Variants in TRAF3 observed in about 807,000 individuals in gnomAD.
TRAF3 encodes TNF receptor-associated factor 3.
In TRAF3, 13 loss-of-function variants were observed where a neutral mutation model predicts 62.3. The ratio of observed to expected loss-of-function variants is 0.21; its 90% confidence interval spans 0.14 to 0.33. TRAF3 has a LOEUF of 0.33. TRAF3 is among the 10% of genes least tolerant of loss of function. TRAF3 has a pLI of 1.00. For synonymous variants in TRAF3, 269 were observed against 283.4 expected, an observed-to-expected ratio of 0.95 and a Z score of 0.51; for missense variants, 440 against 741.8, an observed-to-expected ratio of 0.59 and a Z score of 4.73.
At chr14:102,799,525 G>A (rs1293166755) in intron 1 of TRAF3, among the ~76,000 whole-genome samples, 8 of 152,008 alleles carry the variant, frequency 5.3e-5, no homozygotes, top group Non-Finnish European at 8.8e-5. Flanking sequence ...ATCTCTGCTC[G>A]CTGCAACCTC....
At chr14:102,822,941 G>A (rs1900069867) in intron 1 of TRAF3, among the ~76,000 whole-genome samples, 1 of 151,988 alleles carries the variant, frequency 6.6e-6, no homozygotes, top group South Asian at 2.1e-4. Context: ...GGGAGGCAGA[G>A]GTTGCGGTGA....
intron 2 of TRAF3, among the ~76,000 whole-genome samples, chr14:102,845,619 C>T (rs1352862904): frequency 3.3e-5 from 5 of 150,632 alleles, no homozygotes; most frequent in African/African-American, 1.2e-4. Context: ...AGGTTCATGC[C>T]ATTCTCCTGC....
intron 4 of TRAF3, 100 bp from the exon 5 acceptor site, chr14:102,875,524 T>G (rs965250687): frequency 1.0e-6 from 1 of 952,482 alleles, no homozygotes; most frequent in Non-Finnish European, 1.5e-6. Flanking sequence ...AGAGTTCCTC[T>G]CTTGTTTTTT....
intron 1 of TRAF3, among the ~76,000 whole-genome samples, chr14:102,780,773 G>A (rs957612531): frequency 2.0e-5 from 3 of 152,138 alleles, no homozygotes; most frequent in African/African-American, 7.2e-5. Flanking sequence ...TGGTTACCGT[G>A]CTGGGAAGAG....
intron 2 of TRAF3, among the ~76,000 whole-genome samples, chr14:102,852,803 C>T (rs1887124566): frequency 1.3e-5 from 2 of 152,106 alleles, no homozygotes; most frequent in Admixed American, 6.5e-5. Context: ...TGGGCTTAAG[C>T]AGTTCTCCCG....
At chr14:102,864,338 T>C (rs765840616) in intron 2 of TRAF3, among the ~76,000 whole-genome samples, 6 of 151,902 alleles carry the variant, frequency 3.9e-5, no homozygotes, top group African/African-American at 1.2e-4. Flanking sequence ...TTAGTAGAGA[T>C]GGGGTTTCAC....
At chr14:102,806,796 C>T (rs1228102516) in intron 1 of TRAF3, among the ~76,000 whole-genome samples, 2 of 152,108 alleles carry the variant, frequency 1.3e-5, no homozygotes, top group Non-Finnish European at 2.9e-5. Context: ...CAGAGGGGCT[C>T]ATTGTCCCGG....
rs1890838754 is a variant in TRAF3, at chr14:102,910,972, G to C, written c.*5188G>C. 6.6e-6 allele frequency: 1 copy of C among 152,270 alleles called. No individual in the cohort carries two copies. Among genetic ancestry groups the C allele is most frequent in the Non-Finnish European group, 1.5e-5 (1 of 68,056 alleles). 9.4% of individuals were successfully genotyped at this position (152,270 alleles called of 1,614,324 possible). A position where few individuals can be genotyped will look rare whatever the true frequency, so the allele number is the denominator to read the frequency against. On this transcript the variant is annotated 3_prime_UTR_variant, in exon 12 of 12. Coordinates refer to ENST00000392745, the MANE Select transcript of TRAF3 (RefSeq NM_145725.3). The stretch of plus-strand genomic sequence containing the variant: ...AAGAAATGCCTGTAGGAGAAGGTCT[G>C]TGAAGTGTGGAGGGCAGTGTCGACG...
chr14:102,868,564 A>G (rs531054791), intron 2 of TRAF3, among the ~76,000 whole-genome samples: 38 of 152,332 alleles, frequency 2.5e-4, no homozygotes, highest in Admixed American at 1.8e-3. Context: ...AAGAAAGTTC[A>G]TGGTGCACAC....
chr14:102,836,245 G>A (rs893988043), intron 2 of TRAF3, among the ~76,000 whole-genome samples: 7 of 152,176 alleles, frequency 4.6e-5, no homozygotes, highest in Non-Finnish European at 8.8e-5. Context: ...CCCCTCACTC[G>A]CTGAGTCTTT....
rs1386450501 is a variant in TRAF3, at chr14:102,902,216, G to A, written c.961-1039G>A. On this transcript the variant is annotated intron_variant, in intron 10 of 11. Transcript: ENST00000392745. ...CGTGTGTTCGTGGCAGGGTTTCTGC[G>A]TTCCTGCCTCCCTCGCTGGGGCCTG... Among the ~76,000 whole-genome samples the A allele has an allele frequency of 3.9e-5, 6 of 152,244 alleles. No homozygotes were observed. In the East Asian group the frequency reaches 5.8e-4, roughly 15 times the overall value.
chr14:102,871,099 G>A (rs749955700), intron 3 of TRAF3, among the ~76,000 whole-genome samples: 107 of 152,334 alleles, frequency 7.0e-4, no homozygotes, highest in Admixed American at 1.6e-3. Flanking sequence ...GGATGCCCTG[G>A]TCTTGGCCAC....
At chr14:102,843,884 TAATGA>T (rs1047554143) in intron 2 of TRAF3, among the ~76,000 whole-genome samples, 24 of 152,018 alleles carry the variant, frequency 1.6e-4, no homozygotes, top group East Asian at 7.7e-4. Context: ...CAGATATAAA[TAATGA>T]AATGAAATGA....
At chr14:102,799,303 C>T (rs983090829) in intron 1 of TRAF3, among the ~76,000 whole-genome samples, 2 of 152,320 alleles carry the variant, frequency 1.3e-5, no homozygotes, top group South Asian at 2.1e-4. Flanking sequence ...CACTACCACT[C>T]ATGTTCTTTT....
intron 1 of TRAF3, among the ~76,000 whole-genome samples, chr14:102,801,163 G>C (rs12880432): frequency 0.52 from 79,229 of 151,958 alleles, 23,071 homozygotes; most frequent in South Asian, 0.74. Context: ...GAGACTCCGT[G>C]TCTTCTCACT....
chr14:102,894,326 C>CA (rs924107989), intron 9 of TRAF3, among the ~76,000 whole-genome samples: 5 of 148,698 alleles, frequency 3.4e-5, no homozygotes, highest in African/African-American at 9.9e-5. Context: ...GACTCGTCTC[C>CA]AAAAAAAAAG....
chr14:102,888,959 T>C (rs1889557575), intron 7 of TRAF3, among the ~76,000 whole-genome samples: 1 of 152,144 alleles, frequency 6.6e-6, no homozygotes, highest in Non-Finnish European at 1.5e-5. Context: ...TCAATTAGAG[T>C]TGACAGTAGT....
intron 2 of TRAF3, among the ~76,000 whole-genome samples, chr14:102,856,533 C>G (rs1355592286): frequency 6.6e-6 from 1 of 152,144 alleles, no homozygotes; most frequent in Non-Finnish European, 1.5e-5. Flanking sequence ...TGGTTTTGGT[C>G]AGCTTCTTTA....
intron 1 of TRAF3, among the ~76,000 whole-genome samples, chr14:102,806,733 G>A (rs1343058625): frequency 6.6e-6 from 1 of 152,138 alleles, no homozygotes; most frequent in Admixed American, 6.5e-5. Flanking sequence ...AATAGAGGGG[G>A]CCTGGCAGGG....
Sources: gnomAD v4.1 joint callset for allele counts (sites outside exome capture counted in the v4.1 genomes callset) on GRCh38, gnomAD v4.1.1 for gene constraint, MANE v1.5 for transcripts, NCBI Gene and HGNC (gene_info 2026-07-23, HGNC 2026-07-21) for gene names.